SLC25A12: variants seen among roughly 807,000 people sequenced by gnomAD.
SLC25A12 encodes the protein electrogenic aspartate/glutamate antiporter SLC25A12, mitochondrial.
In SLC25A12, 32 loss-of-function variants were observed where a neutral mutation model predicts 83.3. The ratio of observed to expected loss-of-function variants is 0.38; its 90% CI spans 0.29 to 0.52. The LOEUF (loss-of-function observed/expected upper bound fraction) is 0.52, where lower values mean the gene tolerates loss of function less well. Among genes scored for constraint, SLC25A12 ranks in the 20% least tolerant of loss-of-function variants. The probability of loss-of-function intolerance (pLI) is 0.84; values close to 1 mark genes in which losing one functional copy is unlikely to be tolerated. For synonymous variants in SLC25A12, 267 were observed against 291.1 expected (o/e 0.92, Z 0.84); for missense variants, 611 against 835.6 (o/e 0.73, Z 3.31).
chr2:171,793,349 G>GC (rs1401275226), intron 14 of SLC25A12, among the ~76,000 whole-genome samples: 1 of 152,012 alleles, frequency 6.6e-6, no homozygotes, highest in Non-Finnish European at 1.5e-5. Flanking sequence ...GTTTTCCCAA[G>GC]CCCCCCAGCA....
chr2:171,824,522 C>G (rs996278251), intron 9 of SLC25A12, among the ~76,000 whole-genome samples: 1 of 152,154 alleles, frequency 6.6e-6, no homozygotes, highest in Non-Finnish European at 1.5e-5. Flanking sequence ...CCAGGGAGAG[C>G]TATATCAATA....
At chr2:171,802,249 T>A (rs1443095598) in intron 13 of SLC25A12, among the ~76,000 whole-genome samples, 1 of 152,064 alleles carries the variant, frequency 6.6e-6, no homozygotes. Flanking sequence ...CAAGCCATCT[T>A]CCCACCTCAG....
At chr2:171,796,864 G>A (rs771982791) in intron 13 of SLC25A12, among the ~76,000 whole-genome samples, 6 of 152,022 alleles carry the variant, frequency 3.9e-5, no homozygotes, top group Non-Finnish European at 7.4e-5. Context: ...GTTCTTTTTC[G>A]GATTCTGAGG....
intron 6 of SLC25A12, 146 bp downstream of exon 6, chr2:171,836,975 C>T (rs1395654077): frequency 1.2e-5 from 9 of 726,144 alleles, no homozygotes; most frequent in Non-Finnish European, 2.1e-5. Context: ...CACACACACA[C>T]ACACACACAA....
intron 13 of SLC25A12, among the ~76,000 whole-genome samples, chr2:171,803,123 A>C (rs1199167345): frequency 7.0e-6 from 1 of 143,760 alleles, no homozygotes; most frequent in East Asian, 2.1e-4. Flanking sequence ...TGTTCAAGGC[A>C]AAAAAAAAAA....
At chr2:171,874,430 G>A (rs908350499) in intron 2 of SLC25A12, among the ~76,000 whole-genome samples, 3 of 152,094 alleles carry the variant, frequency 2.0e-5, no homozygotes, top group Non-Finnish European at 4.4e-5. Flanking sequence ...CTAGAAATGG[G>A]ATTATGGTGA....
At chr2:171,859,656 G>A (rs997883673) in intron 3 of SLC25A12, among the ~76,000 whole-genome samples, 1 of 152,178 alleles carries the variant, frequency 6.6e-6, no homozygotes, top group Non-Finnish European at 1.5e-5. Context: ...GTGGAGTACT[G>A]GTTATCAGGG....
intron 8 of SLC25A12, among the ~76,000 whole-genome samples, chr2:171,829,316 C>A (rs781317790): frequency 3.3e-5 from 5 of 152,130 alleles, no homozygotes; most frequent in African/African-American, 7.2e-5. Context: ...GCCTTCATGG[C>A]CCTATATCAA....
rs1204156072 is a variant in SLC25A12, at chr2:171,802,545, A to G, written c.1305+7061T>C. Among the ~76,000 whole-genome samples, 3 of 152,150 alleles carry G rather than the reference A, an allele frequency of 2.0e-5. No homozygotes were observed. In the South Asian group the frequency reaches 6.2e-4, roughly 32 times the overall value. ...TAATCCCAGCACTTTGGGAGGCTGA[A>G]GTGGGTGGATCACGAGGTCAGAAGA... On this transcript the variant is annotated intron_variant, in intron 13 of 17. Coordinates refer to ENST00000422440, the MANE Select transcript of SLC25A12 (RefSeq NM_003705.5).
At chr2:171,867,752 T>C (rs1038613578) in intron 3 of SLC25A12, among the ~76,000 whole-genome samples, 1 of 152,250 alleles carries the variant, frequency 6.6e-6, no homozygotes, top group African/African-American at 2.4e-5. Context: ...CCAGTATTTA[T>C]TGCCTTAGCT....
intron 4 of SLC25A12, among the ~76,000 whole-genome samples, chr2:171,846,062 A>G (rs1038921980): frequency 9.2e-5 from 14 of 152,322 alleles, no homozygotes; most frequent in Middle Eastern, 3.4e-3. Flanking sequence ...TAAAATAATA[A>G]AGATAGCAGA....
At chr2:171,853,422 T>TGG (rs59017649) in intron 4 of SLC25A12, among the ~76,000 whole-genome samples, 116,933 of 151,944 alleles carry the variant, frequency 0.77, 46,057 homozygotes, top group East Asian at 0.89. Context: ...ACGCCTGTAA[T>TGG]CTCAGCACTT....
Position 171,837,149 on chromosome 2 carries a change from G to C in SLC25A12, c.584C>G (p.Thr195Ser). ...IMVTIRSHMLTPFVEENLVSA... is the reference protein window; with the variant it reads ...IMVTIRSHMLSPFVEENLVSA... ...AACTAAGTTCTCCTCCACAAAAGGA[G>C]TAAGCATGTGAGATCTAATGGTAAC... Residue 195 changes from threonine to serine, a missense_variant, in exon 6 of 18, where the codon ACT (threonine) becomes AGT (serine). Around this residue, in one of 3 missense-constraint regions of SLC25A12, gnomAD observed 540 missense variants for 777.5 expected, o/e 0.69. Transcript: ENST00000422440. The C allele has an allele frequency of 3.1e-6, 5 of 1,614,058 alleles. No homozygotes were observed. The highest frequency in any genetic ancestry group is 4.2e-6 in the Non-Finnish European group (5 of 1,179,962).
At chr2:171,857,334 G>A (rs953927704) in intron 3 of SLC25A12, among the ~76,000 whole-genome samples, 4 of 152,028 alleles carry the variant, frequency 2.6e-5, no homozygotes, top group African/African-American at 4.8e-5. Context: ...TCATGCTACC[G>A]CACTCCAGCC....
At position 171,831,129 on chromosome 2, in the gene SLC25A12, GT is replaced by G. The variant is rs879241884; in HGVS notation, c.845+2833del. ...GTTTATCCATCTTTACAACAGTTTT[GT>G]TTTTCTTCTCAGTTGACTGGACTAT... On this transcript the variant is annotated intron_variant, in intron 8 of 17. Transcript: ENST00000422440. Among the ~76,000 whole-genome samples, 5 of 152,174 alleles carry G rather than the reference GT, an allele frequency of 3.3e-5. No individual in the cohort carries two copies. The South Asian group carries it at 8.3e-4, about 25-fold the overall frequency.
At chr2:171,857,449 C>T (rs1474620283) in intron 3 of SLC25A12, among the ~76,000 whole-genome samples, 1 of 152,140 alleles carries the variant, frequency 6.6e-6, no homozygotes, top group Non-Finnish European at 1.5e-5. Flanking sequence ...CTTTGGGAGG[C>T]TGAGGCAGGC....
At chr2:171,858,406 T>C (rs756364013) in intron 3 of SLC25A12, among the ~76,000 whole-genome samples, 11 of 152,184 alleles carry the variant, frequency 7.2e-5, no homozygotes, top group Non-Finnish European at 1.5e-4. Flanking sequence ...GCATAACATA[T>C]TGGTTTCTAC....
At chr2:171,873,951 C>T (rs1399061348) in intron 2 of SLC25A12, among the ~76,000 whole-genome samples, 1 of 152,040 alleles carries the variant, frequency 6.6e-6, no homozygotes, top group Non-Finnish European at 1.5e-5. Context: ...CCTGGCCAGG[C>T]GCGGTGGCTC....
chr2:171,805,776 T>C (rs866376988), intron 13 of SLC25A12, among the ~76,000 whole-genome samples: 83 of 152,372 alleles, frequency 5.4e-4, no homozygotes, highest in African/African-American at 2.0e-3. Context: ...CATTTTATTA[T>C]TCTGTAATTA....
Sources: gnomAD v4.1 joint callset for allele counts (sites outside exome capture counted in the v4.1 genomes callset) on GRCh38, gnomAD v4.1.1 for gene constraint, gnomAD v4.1.1 regional missense constraint, MANE v1.5 for transcripts, NCBI Gene and HGNC (gene_info 2026-07-23, HGNC 2026-07-21) for gene names.